NDUFB1: variants seen among roughly 807,000 people sequenced by gnomAD.
NDUFB1 encodes NADH dehydrogenase [ubiquinone] 1 beta subcomplex subunit 1.
In NDUFB1, 6 loss-of-function variants were observed where a neutral mutation model predicts 6.7. The ratio of observed to expected loss-of-function variants is 0.89; its 90% CI spans 0.49 to 1.76. NDUFB1 has a LOEUF of 1.76. Among genes scored for constraint, NDUFB1 ranks in the 40% most tolerant of loss-of-function variants. The probability of loss-of-function intolerance (pLI) is 0.01; values close to 1 mark genes in which losing one functional copy is unlikely to be tolerated. For missense variants in NDUFB1, 56 were observed against 71.0 expected (o/e 0.79, Z 0.76); for synonymous variants, 17 against 22.9 (o/e 0.74, Z 0.74).
At chr14:92,120,781 T>C (rs1165989181) in intron 1 of NDUFB1, among the ~76,000 whole-genome samples, 2 of 148,544 alleles carry the variant, frequency 1.3e-5, no homozygotes, top group East Asian at 2.3e-4. Flanking sequence ...CTCAAACTCC[T>C]GACCTCTTGA....
At position 92,121,674 on chromosome 14, in the gene NDUFB1, C is replaced by G. The variant is rs140737674; in HGVS notation, c.-38G>C. 261 of 1,613,646 alleles carry G rather than the reference C, an allele frequency of 1.6e-4. No homozygotes were observed. The highest frequency in any genetic ancestry group is 2.1e-4 in the Non-Finnish European group (252 of 1,179,958). On this transcript the variant is annotated 5_prime_UTR_variant, in exon 1 of 3. Transcript: ENST00000605997. ...CTCAGCGCCTACAGCGACCCCGAGA[C>G]CAAGGGCAACAGGGAACTCAACCCG...
intron 2 of NDUFB1, among the ~76,000 whole-genome samples, chr14:92,117,198 A>T (rs960609541): frequency 9.9e-5 from 15 of 152,258 alleles, no homozygotes; most frequent in Non-Finnish European, 1.6e-4. Flanking sequence ...AGCTGTATAT[A>T]AGCTAGGTTT....
In NDUFB1 at chr14:92,121,602, G is replaced by A. The variant is rs756512343; in HGVS notation, c.-6+40C>T. The A allele has an allele frequency of 2.4e-5, 39 of 1,610,772 alleles. 1 individual carries two copies. In the South Asian group the frequency reaches 4.3e-4, roughly 18 times the overall value. ...GAACCCTCCCCGCCACCGTCGCCGTGATCCTCGTCGCGGCGGCCCCCCGGG... is the reference window on the plus strand; with the variant it reads ...GAACCCTCCCCGCCACCGTCGCCGTAATCCTCGTCGCGGCGGCCCCCCGGG... On this transcript the variant is annotated intron_variant, in intron 1 of 2. Coordinates refer to ENST00000605997, the MANE Select transcript of NDUFB1 (RefSeq NM_004545.4).
In NDUFB1 at chr14:92,117,522, C is replaced by T. The variant is rs145473110; in HGVS notation, c.116G>A (p.Arg39Gln). ...RKSDERLTAF[R>Q]NKSMLFKREL... Reference sequence around the variant, plus strand: ...CCTTTTAAATAACATACTCTTGTTCCGGAAGGCAGTTAGCCGTTCATCACT... The same window carrying T: ...CCTTTTAAATAACATACTCTTGTTCTGGAAGGCAGTTAGCCGTTCATCACT... Residue 39 changes from arginine to glutamine, a missense_variant, in exon 2 of 3, where the codon CGG becomes CAG. Physicochemically the swap from Arg to Gln is conservative, Grantham distance 43 (BLOSUM62 1). Transcript: ENST00000605997. The T allele has an allele frequency of 4.5e-5, 72 of 1,612,842 alleles. No homozygotes were observed. Among genetic ancestry groups the T allele is most frequent in the African/African-American group, 9.4e-5 (7 of 74,854 alleles).
At chr14:92,117,687 T>G (rs1428451943) in intron 1 of NDUFB1, 45 bp from the exon 2 acceptor site, 5 of 1,587,702 alleles carry the variant, frequency 3.1e-6, no homozygotes, top group East Asian at 2.3e-5. Flanking sequence ...CTTTGTTTTT[T>G]TTTTGAAATA....
chr14:92,121,542 C>G, intron 1 of NDUFB1, 100 bp downstream of exon 1: 1 of 1,548,356 alleles, frequency 6.5e-7, no homozygotes, highest in Non-Finnish European at 8.8e-7. Flanking sequence ...CCCAGACCAC[C>G]CCTCCACACA....
At chr14:92,117,867 G>A in intron 1 of NDUFB1, 1 of 486,732 alleles carries the variant, frequency 2.1e-6, no homozygotes, top group Non-Finnish European at 3.7e-6. Context: ...GTGTGGTGGT[G>A]CGCGTCTGTT....
At chr14:92,121,168 T>TA (rs1455699800) in intron 1 of NDUFB1, 1 of 169,796 alleles carries the variant, frequency 5.9e-6, no homozygotes, top group Non-Finnish European at 1.3e-5. Flanking sequence ...GTCTCAAAAA[T>TA]AAAAAAGCAA....
At chr14:92,116,331 C>CTT (rs35571568) in intron 2 of NDUFB1, 102 bp from the exon 3 acceptor site, 8,321 of 492,160 alleles carry the variant, frequency 0.017, 5 homozygotes, top group East Asian at 0.025. Context: ...ATTTCATTTT[C>CTT]TTTTTTTTTT....
chr14:92,120,949 C>A (rs1174075358), intron 1 of NDUFB1, among the ~76,000 whole-genome samples: 1 of 151,630 alleles, frequency 6.6e-6, no homozygotes, highest in Non-Finnish European at 1.5e-5. Flanking sequence ...ATCACGAGAT[C>A]AGGAGTTCGA....
At chr14:92,116,704 T>C (rs1162034597) in intron 2 of NDUFB1, among the ~76,000 whole-genome samples, 4 of 152,218 alleles carry the variant, frequency 2.6e-5, no homozygotes, top group African/African-American at 9.6e-5. Flanking sequence ...ATGTATTCTT[T>C]TCATTCATGA....
rs544727333 is a variant in NDUFB1 at position 92,120,778 on chromosome 14, T to G, written c.-6+864A>C. Among the ~76,000 whole-genome samples, 14 of 148,062 alleles carry G rather than the reference T, an allele frequency of 9.5e-5. No individual in the cohort carries two copies. The South Asian group carries it at 2.7e-3, about 28-fold the overall frequency. ...ACTGTTGGCCGGGCTGGTCTCAAAC[T>G]CCTGACCTCTTGATCCGGCCACCTC... On this transcript the variant is annotated intron_variant, in intron 1 of 2. Coordinates refer to ENST00000605997, the MANE Select transcript of NDUFB1 (RefSeq NM_004545.4).
In NDUFB1 at chr14:92,121,678, G is replaced by A; in HGVS notation, c.-42C>T. The A allele has an allele frequency of 1.9e-6, 3 of 1,613,704 alleles. No homozygotes were observed. The highest frequency in any genetic ancestry group is 2.5e-6 in the Non-Finnish European group (3 of 1,179,942). On this transcript the variant is annotated 5_prime_UTR_variant, in exon 1 of 3. Coordinates refer to ENST00000605997, the MANE Select transcript of NDUFB1 (RefSeq NM_004545.4). ...GCGCCTACAGCGACCCCGAGACCAA[G>A]GGCAACAGGGAACTCAACCCGCGCC...
At chr14:92,119,494 C>G (rs7152807) in intron 1 of NDUFB1, among the ~76,000 whole-genome samples, 62,886 of 152,084 alleles carry the variant, frequency 0.41, 13,962 homozygotes, top group East Asian at 0.84. Flanking sequence ...GCTATTATAG[C>G]CCATGCCTAA....
chr14:92,116,625 G>A (rs938995418), intron 2 of NDUFB1, among the ~76,000 whole-genome samples: 3 of 151,914 alleles, frequency 2.0e-5, no homozygotes, highest in South Asian at 2.1e-4. Context: ...GTGAGCCACC[G>A]CGCCCGGTCA....
chr14:92,116,657 C>T (rs7160819), intron 2 of NDUFB1, among the ~76,000 whole-genome samples: 62,847 of 151,804 alleles, frequency 0.41, 13,967 homozygotes, highest in East Asian at 0.84. Context: ...TCTATTACAC[C>T]GATCCATTTA....
At position 92,116,135 on chromosome 14, in the gene NDUFB1, C is replaced by A; in HGVS notation, c.*58G>T. On this transcript the variant is annotated 3_prime_UTR_variant, in exon 3 of 3. Transcript: ENST00000605997. Reference sequence around the variant, plus strand: ...GAAAAGAAAGACATTTCAGATTCTTCATGTTTTTATTTCTCTCAGAACTTT... The same window carrying A: ...GAAAAGAAAGACATTTCAGATTCTTAATGTTTTTATTTCTCTCAGAACTTT... The A allele has an allele frequency of 1.4e-6, 2 of 1,456,114 alleles. No individual in the cohort carries two copies. Among genetic ancestry groups the A allele is most frequent in the East Asian group, 2.3e-5 (1 of 44,058 alleles). The allele number at this position is 1,456,114 out of a possible 1,614,324, so 90.2% of individuals were successfully genotyped here.
Position 92,117,550 on chromosome 14 carries a change from TTCTG to T in NDUFB1, c.84_87del (p.Asp28GlufsTer7), listed in dbSNP as rs781714910. 1.2e-6 allele frequency: 2 copies of T among 1,613,778 alleles called. No individual in the cohort carries two copies. Among genetic ancestry groups the T allele is most frequent in the Non-Finnish European group, 1.7e-6 (2 of 1,179,984 alleles). On this transcript the variant is annotated frameshift_variant, in exon 2 of 3. Transcript: ENST00000605997. LOFTEE classifies it high-confidence loss of function. ...AAGGCAGTTAGCCGTTCATCACTCT[TTCTG>T]TCTAAATAACATCCAATGACAAATC...
intron 1 of NDUFB1, chr14:92,118,617 G>A (rs1178884984): frequency 2.0e-5 from 3 of 152,130 alleles, no homozygotes; most frequent in Admixed American, 1.3e-4. Context: ...TAAAAGATAT[G>A]AGAGAAAAAA....
Sources: allele counts gnomAD v4.1 joint callset (sites outside exome capture counted in the v4.1 genomes callset), GRCh38; gene constraint gnomAD v4.1.1; transcripts MANE v1.5; gene names NCBI Gene and HGNC (gene_info 2026-07-23, HGNC 2026-07-21).